The following PIGW variants were observed in gnomAD, a reference collection of about 807,000 sequenced individuals.
PIGW encodes glucosaminyl-phosphatidylinositol-acyltransferase PIGW.
Under a neutral mutation model 34.0 loss-of-function variants are expected in PIGW, and 23 were observed. That is an observed-to-expected ratio of 0.68 (90% CI 0.49 to 0.96). The LOEUF is 0.96. Among genes scored for constraint, PIGW ranks in the 40% least tolerant of loss-of-function variants. PIGW has a pLI of 0.00. For missense variants in PIGW, 574 were observed against 586.3 expected, an observed-to-expected ratio of 0.98 and a Z score of 0.22; for synonymous variants, 225 against 225.2, an observed-to-expected ratio of 1.00 and a Z score of 0.01.
In PIGW at chr17:36,537,796, A is replaced by G. The variant is rs1358492078; in HGVS notation, c.695A>G (p.Tyr232Cys). Residue 232 changes from tyrosine to cysteine, a missense_variant, in exon 2 of 2, where the codon TAT becomes TGT. Coordinates refer to ENST00000614443, the MANE Select transcript of PIGW (RefSeq NM_001346754.2). ...SIGYQEHLTE[Y>C]GVHWNFFFTI... ...GGCTATCAGGAACATTTAACAGAGT[A>G]TGGAGTTCACTGGAACTTTTTCTTT... The G allele has an allele frequency of 3.7e-6, 6 of 1,614,018 alleles. No individual in the cohort carries two copies. Among genetic ancestry groups the G allele is most frequent in the Non-Finnish European group, 8.5e-7 (1 of 1,179,992 alleles).
At chr17:36,536,039 C>G (rs1209813486) in intron 1 of PIGW, among the ~76,000 whole-genome samples, 1 of 152,178 alleles carries the variant, frequency 6.6e-6, no homozygotes, top group Non-Finnish European at 1.5e-5. Context: ...CATTTAGAAA[C>G]TCTAGGTTCA....
In PIGW at chr17:36,537,849, C is replaced by A; in HGVS notation, c.748C>A (p.Pro250Thr). The A allele has an allele frequency of 3.7e-6, 6 of 1,614,054 alleles. No individual in the cohort carries two copies. Among genetic ancestry groups the A allele is most frequent in the Non-Finnish European group, 5.1e-6 (6 of 1,180,024 alleles). ...CATAATAGTTGTGAAATTGATAACA[C>A]CACTGCTGTTGATTATTTTTCCCCT... ...FTIIVVKLIT[P>T]LLLIIFPLNK... The change falls in exon 2 of 2, where the codon CCA becomes ACA. Residue 250 changes from proline to threonine, a missense_variant. Coordinates refer to ENST00000614443, the MANE Select transcript of PIGW (RefSeq NM_001346754.2).
rs958658854 is a variant in PIGW at position 36,535,401 on chromosome 17, A to G, written c.-200A>G. 1.3e-5 allele frequency: 2 copies of G among 152,298 alleles called. No homozygotes were observed. The highest frequency in any genetic ancestry group is 2.9e-5 in the Non-Finnish European group (2 of 68,086). The allele number at this position is 152,298 out of a possible 1,614,324, so 9.4% of individuals were successfully genotyped here. ...GACAGGAGTGGGTAGCCCACGGGAC[A>G]CTGGCACGAGCGCCATGATGGGCGG... On this transcript the variant is annotated 5_prime_UTR_variant, in exon 1 of 2. Coordinates refer to ENST00000614443, the MANE Select transcript of PIGW (RefSeq NM_001346754.2).
In PIGW at chr17:36,538,011, G is replaced by A. The variant is rs763678894; in HGVS notation, c.910G>A (p.Glu304Lys). 8.1e-6 allele frequency: 13 copies of A among 1,613,918 alleles called. No individual in the cohort carries two copies. The highest frequency in any genetic ancestry group is 3.3e-5 in the Admixed American group (2 of 60,006). The change falls in exon 2 of 2, where the codon GAA (glutamate) becomes AAA (lysine). Residue 304 changes from glutamate (E) to lysine (K), a missense_variant. Physicochemically the swap from Glu to Lys is moderately conservative, Grantham distance 56. Transcript: ENST00000614443. ...TRVGLLNANREGIISTLGYVA... is the reference protein window; with the variant it reads ...TRVGLLNANRKGIISTLGYVA... The stretch of plus-strand genomic sequence containing the variant: ...GGTTGGTCTATTAAATGCCAACCGC[G>A]AAGGAATAATCTCTACCCTGGGGTA...
rs2074087137 is a variant in PIGW at position 36,535,518 on chromosome 17, G to C, written c.-83G>C. 6.6e-6 allele frequency: 1 copy of C among 152,274 alleles called. No individual in the cohort carries two copies. The highest frequency in any genetic ancestry group is 2.1e-4 in the South Asian group (1 of 4,838). The allele number at this position is 152,274 out of a possible 1,614,324, so 9.4% of individuals were successfully genotyped here. On this transcript the variant is annotated 5_prime_UTR_variant, in exon 1 of 2. Coordinates refer to ENST00000614443, the MANE Select transcript of PIGW (RefSeq NM_001346754.2). Reference sequence around the variant, plus strand: ...GGCGGAAGCGGCTGGTTCCCGCGTGGTTTGGCGGGTGCAGCGGCAGTCCGG... The same window carrying C: ...GGCGGAAGCGGCTGGTTCCCGCGTGCTTTGGCGGGTGCAGCGGCAGTCCGG...
At position 36,535,558 on chromosome 17, in the gene PIGW, T is replaced by G. The variant is rs1299719009; in HGVS notation, c.-43T>G. On this transcript the variant is annotated 5_prime_UTR_variant, in exon 1 of 2. Coordinates refer to ENST00000614443, the MANE Select transcript of PIGW (RefSeq NM_001346754.2). Reference sequence around the variant, plus strand: ...CGGCAGTCCGGCTGCCCTTCCCACGTAGACCGTCTGCTGGGGGCGCCGGCA... The same window carrying G: ...CGGCAGTCCGGCTGCCCTTCCCACGGAGACCGTCTGCTGGGGGCGCCGGCA... 1 of 152,242 alleles carries G rather than the reference T, an allele frequency of 6.6e-6. No homozygotes were observed. The highest frequency in any genetic ancestry group is 1.5e-5 in the Non-Finnish European group (1 of 68,046). 9.4% of individuals were successfully genotyped at this position (152,242 alleles called of 1,614,324 possible). A position where few individuals can be genotyped will look rare whatever the true frequency, so the allele number is the denominator to read the frequency against.
rs2074156523 is a variant in PIGW at position 36,537,384 on chromosome 17, T to C, written c.283T>C (p.Tyr95His). 6.2e-7 allele frequency: 1 copy of C among 1,614,040 alleles called. No individual in the cohort carries two copies. Among genetic ancestry groups the C allele is most frequent in the South Asian group, 1.1e-5 (1 of 91,088 alleles). ...GVIIFGAGLLYQIYRRRTCYA... is the reference protein window; with the variant it reads ...GVIIFGAGLLHQIYRRRTCYA... ...AATTATCTTTGGGGCAGGGCTGTTG[T>C]ATCAAATATACCGAAGGAGGACCTG... Residue 95 changes from tyrosine (Y) to histidine (H), a missense_variant, in exon 2 of 2, where the codon TAT becomes CAT. Transcript: ENST00000614443.
At position 36,537,144 on chromosome 17, in the gene PIGW, A is replaced by G. The variant is rs774171410; in HGVS notation, c.43A>G (p.Asn15Asp). 6 of 1,611,294 alleles carry G rather than the reference A, an allele frequency of 3.7e-6. No homozygotes were observed. In the East Asian group the frequency reaches 8.9e-5, roughly 24 times the overall value. The change falls in exon 2 of 2, where the codon AAT (asparagine) becomes GAT (aspartate). Residue 15 changes from asparagine to aspartate, a missense_variant. Physicochemically the swap from Asn to Asp is conservative, Grantham distance 23 (BLOSUM62 1). Transcript: ENST00000614443. Reference protein sequence around the residue: ...QMKEAFVSNLNGTTVLEITQG... With the variant: ...QMKEAFVSNLDGTTVLEITQG... ...GAAGGAAGCTTTTGTCAGTAACCTC[A>G]ATGGAACCACCGTGCTGGAAATCAC...
Position 36,537,848 on chromosome 17 carries a change from ACCACTGCTGTTGATTATTTTTC to A in PIGW, c.750_771del (p.Leu251Ter). 2 of 1,614,092 alleles carry A rather than the reference ACCACTGCTGTTGATTATTTTTC, an allele frequency of 1.2e-6. No individual in the cohort carries two copies. Among genetic ancestry groups the A allele is most frequent in the African/African-American group, 2.7e-5 (2 of 75,024 alleles). On this transcript the variant is annotated frameshift_variant, in exon 2 of 2. Coordinates refer to ENST00000614443, the MANE Select transcript of PIGW (RefSeq NM_001346754.2). LOFTEE classifies it high-confidence loss of function. ...CCATAATAGTTGTGAAATTGATAAC[ACCACTGCTGTTGATTATTTTTC>A]CCCTAAATAAGTCCTGGATTATTGC...
Position 36,537,081 on chromosome 17 carries a change from C to G in PIGW, c.-8-13C>G. The G allele has an allele frequency of 6.4e-7, 1 of 1,562,694 alleles. No homozygotes were observed. Among genetic ancestry groups the G allele is most frequent in the Non-Finnish European group, 8.7e-7 (1 of 1,155,228 alleles). ...CTTTTCACAAATCCATTCCTTTGCTCTTGTTTTCACAGGAAGAAAAATGTC... is the reference window on the plus strand; with the variant it reads ...CTTTTCACAAATCCATTCCTTTGCTGTTGTTTTCACAGGAAGAAAAATGTC... On this transcript the variant is annotated splice_polypyrimidine_tract_variant and intron_variant, in intron 1 of 1. Transcript: ENST00000614443.
rs368523348 is a variant in PIGW, at chr17:36,535,409, G to A, written c.-192G>A. ...TGGGTAGCCCACGGGACACTGGCAC[G>A]AGCGCCATGATGGGCGGAGACGCGC... On this transcript the variant is annotated 5_prime_UTR_variant, in exon 1 of 2. Coordinates refer to ENST00000614443, the MANE Select transcript of PIGW (RefSeq NM_001346754.2). 1.3e-5 allele frequency: 2 copies of A among 152,278 alleles called. No homozygotes were observed. The highest frequency in any genetic ancestry group is 2.9e-5 in the Non-Finnish European group (2 of 68,066). The allele number at this position is 152,278 out of a possible 1,614,324, so 9.4% of individuals were successfully genotyped here. A position where few individuals can be genotyped will look rare whatever the true frequency, so the allele number is the denominator to read the frequency against.
At position 36,535,235 on chromosome 17, in the gene PIGW, G is replaced by A. The variant is rs1597769634; in HGVS notation, c.-366G>A. 6.6e-6 allele frequency: 1 copy of A among 152,278 alleles called. No homozygotes were observed. Among genetic ancestry groups the A allele is most frequent in the East Asian group, 1.9e-4 (1 of 5,192 alleles). The allele number at this position is 152,278 out of a possible 1,614,324, so 9.4% of individuals were successfully genotyped here. A position where few individuals can be genotyped will look rare whatever the true frequency, so the allele number is the denominator to read the frequency against. On this transcript the variant is annotated 5_prime_UTR_variant, in exon 1 of 2. Transcript: ENST00000614443. ...GTGCGGCGGAGTGTTGTGCGAGGCC[G>A]GCGGACACCATTACCCTGATAGGGC...
At position 36,537,294 on chromosome 17, in the gene PIGW, A is replaced by T. The variant is rs984060224; in HGVS notation, c.193A>T (p.Ile65Leu). Residue 65 changes from isoleucine to leucine, a missense_variant, in exon 2 of 2, where the codon ATA becomes TTA. Ile to Leu is a conservative substitution (Grantham distance 5). Transcript: ENST00000614443. ...TRFLTDFVVL[I>L]VPMVATLTIW... ...ATTCCTCACTGACTTTGTTGTCCTA[A>T]TAGTTCCCATGGTAGCCACTTTGAC... 1 of 1,613,418 alleles carries T rather than the reference A, an allele frequency of 6.2e-7. No individual in the cohort carries two copies.
Position 36,537,823 on chromosome 17 carries a change from C to A in PIGW, c.722C>A (p.Thr241Asn). The change falls in exon 2 of 2, where the codon ACC becomes AAC. Residue 241 changes from threonine (T) to asparagine (N), a missense_variant. Thr to Asn is a moderately conservative substitution (Grantham distance 65, BLOSUM62 0). Transcript: ENST00000614443. ...EYGVHWNFFFTIIVVKLITPL... is the reference protein window; with the variant it reads ...EYGVHWNFFFNIIVVKLITPL... Reference sequence around the variant, plus strand: ...GGAGTTCACTGGAACTTTTTCTTTACCATAATAGTTGTGAAATTGATAACA... The same window carrying A: ...GGAGTTCACTGGAACTTTTTCTTTAACATAATAGTTGTGAAATTGATAACA... 6.2e-7 allele frequency: 1 copy of A among 1,614,060 alleles called. No homozygotes were observed. Among genetic ancestry groups the A allele is most frequent in the South Asian group, 1.1e-5 (1 of 91,082 alleles).
In PIGW at chr17:36,537,970, A is replaced by C. The variant is rs756625700; in HGVS notation, c.869A>C (p.Asp290Ala). ...AAGAGGTTAATATTATATGGCACTG[A>C]TGGTAGTGGCACACGGGTTGGTCTA... ...SLKRLILYGT[D>A]GSGTRVGLLN... Residue 290 changes from aspartate (D) to alanine (A), a missense_variant, in exon 2 of 2, where the codon GAT (aspartate) becomes GCT (alanine). Asp to Ala is a moderately radical substitution (Grantham distance 126). Transcript: ENST00000614443. 5.6e-6 allele frequency: 9 copies of C among 1,614,046 alleles called. No individual in the cohort carries two copies. Among genetic ancestry groups the C allele is most frequent in the Non-Finnish European group, 7.6e-6 (9 of 1,180,002 alleles).
Position 36,537,074 on chromosome 17 carries a change from C to A in PIGW, c.-8-20C>A. The A allele has an allele frequency of 6.5e-7, 1 of 1,549,812 alleles. No individual in the cohort carries two copies. Among genetic ancestry groups the A allele is most frequent in the Non-Finnish European group, 8.7e-7 (1 of 1,146,632 alleles). Reference sequence around the variant, plus strand: ...AATGCTGCTTTTCACAAATCCATTCCTTTGCTCTTGTTTTCACAGGAAGAA... The same window carrying A: ...AATGCTGCTTTTCACAAATCCATTCATTTGCTCTTGTTTTCACAGGAAGAA... On this transcript the variant is annotated intron_variant, in intron 1 of 1. Coordinates refer to ENST00000614443, the MANE Select transcript of PIGW (RefSeq NM_001346754.2).
chr17:36,537,294 A>G lies in PIGW; in HGVS notation c.193A>G (p.Ile65Val), dbSNP rs984060224. 6.2e-7 allele frequency: 1 copy of G among 1,613,300 alleles called. No homozygotes were observed. Among genetic ancestry groups the G allele is most frequent in the Non-Finnish European group, 8.5e-7 (1 of 1,179,918 alleles). The change falls in exon 2 of 2, where the codon ATA becomes GTA. Residue 65 changes from isoleucine to valine, a missense_variant. By Grantham distance (29) the Ile-to-Val change is conservative (BLOSUM62 3). Transcript: ENST00000614443. ...ATTCCTCACTGACTTTGTTGTCCTA[A>G]TAGTTCCCATGGTAGCCACTTTGAC... ...TRFLTDFVVL[I>V]VPMVATLTIW...
In PIGW at chr17:36,535,015, T is replaced by C. The variant is rs1041228657; in HGVS notation, c.-586T>C. 1.3e-5 allele frequency: 2 copies of C among 152,370 alleles called. No homozygotes were observed. The highest frequency in any genetic ancestry group is 4.8e-5 in the African/African-American group (2 of 41,474). 9.4% of individuals were successfully genotyped at this position (152,370 alleles called of 1,614,324 possible). A position where few individuals can be genotyped will look rare whatever the true frequency, so the allele number is the denominator to read the frequency against. ...CGCGGCGCGGGGCGCGCACGTGGCT[T>C]GGCCGGGACGCCTGGTCCGGCTTGC... On this transcript the variant is annotated 5_prime_UTR_variant, in exon 1 of 2. Coordinates refer to ENST00000614443, the MANE Select transcript of PIGW (RefSeq NM_001346754.2).
At position 36,537,675 on chromosome 17, in the gene PIGW, G is replaced by C; in HGVS notation, c.574G>C (p.Glu192Gln). ...CLEVRRRKYM[E>Q]GSKLHYFTNS... Reference sequence around the variant, plus strand: ...AGAGGTCAGGAGGAGAAAATATATGGAAGGGTCCAAATTGCATTACTTTAC... The same window carrying C: ...AGAGGTCAGGAGGAGAAAATATATGCAAGGGTCCAAATTGCATTACTTTAC... The change falls in exon 2 of 2, where the codon GAA becomes CAA. Residue 192 changes from glutamate (E) to glutamine (Q), a missense_variant. Transcript: ENST00000614443. 6.2e-7 allele frequency: 1 copy of C among 1,614,098 alleles called. No homozygotes were observed. Among genetic ancestry groups the C allele is most frequent in the Non-Finnish European group, 8.5e-7 (1 of 1,180,020 alleles).
Sources: gnomAD v4.1 joint callset for allele counts (sites outside exome capture counted in the v4.1 genomes callset) on GRCh38, gnomAD v4.1.1 for gene constraint, MANE v1.5 for transcripts, NCBI Gene and HGNC (gene_info 2026-07-23, HGNC 2026-07-21) for gene names.